ANKRD26: variants seen among roughly 807,000 people sequenced by gnomAD.
The protein encoded by ANKRD26 is ankyrin repeat domain-containing protein 26.
Under a neutral mutation model 208.7 loss-of-function variants are expected in ANKRD26, and 141 were observed. The observed-to-expected ratio is 0.68, with a 90% CI of 0.59 to 0.78. The LOEUF (loss-of-function observed/expected upper bound fraction) is 0.78, where lower values mean the gene tolerates loss of function less well. ANKRD26 is among the 30% of genes least tolerant of loss of function. The pLI is 0.00. For missense variants in ANKRD26, 1,889 were observed against 1,938.7 expected (o/e 0.97, Z 0.48); for synonymous variants, 636 against 660.4 (o/e 0.96, Z 0.57).
the ANKRD26 span, among the ~76,000 whole-genome samples, chr10:26,951,135 A>G: frequency 6.6e-6 from 1 of 151,032 alleles, no homozygotes; most frequent in African/African-American, 2.4e-5. Context: ...CAAGACAGTG[A>G]CATGCTTTGC....
At chr10:27,024,589 T>A in intron 27 of ANKRD26, 30 bp from the exon 28 acceptor site, 1 of 1,265,108 alleles carries the variant, frequency 7.9e-7, no homozygotes, top group Non-Finnish European at 1.1e-6. Context: ...CAATTACTTT[T>A]AAAACTCTGG....
At chr10:27,030,352 A>C in intron 25 of ANKRD26, 2 of 974,962 alleles carry the variant, frequency 2.1e-6, no homozygotes, top group Middle Eastern at 1.0e-3. Context: ...AATGACCACA[A>C]TGCAAACAGC....
chr10:26,980,119 C>T (rs1259643298), intron 5 of ANKRD26, among the ~76,000 whole-genome samples: 3 of 152,134 alleles, frequency 2.0e-5, no homozygotes, highest in African/African-American at 7.2e-5. Flanking sequence ...AGCTGACATC[C>T]CATAATATTG....
At chr10:26,971,689 A>AG (rs1479353171), downstream of ANKRD26, among the ~76,000 whole-genome samples, 1 of 151,672 alleles carries the variant, frequency 6.6e-6, no homozygotes, top group African/African-American at 2.4e-5. Flanking sequence ...AAAAAAAAAA[A>AG]AAAAGAAAAC....
chr10:26,981,595 C>T (rs2052309406), intron 4 of ANKRD26, among the ~76,000 whole-genome samples: 1 of 152,160 alleles, frequency 6.6e-6, no homozygotes, highest in Non-Finnish European at 1.5e-5. Flanking sequence ...CTAATTAGAA[C>T]TCAACATCCA....
At chr10:27,060,472 T>G (rs756700724) in intron 14 of ANKRD26, 40 bp downstream of exon 14, 6 of 1,556,900 alleles carry the variant, frequency 3.9e-6, no homozygotes, top group Non-Finnish European at 5.3e-6. Context: ...TTATACAATA[T>G]GCACTTAATA....
Position 27,035,255 on chromosome 10 carries a change from T to C in ANKRD26, c.3195A>G (p.Gln1065=), listed in dbSNP as rs371338835. ...TGAGTTTACTTTCAGTTTTAAATAG[T>C]TGTTGAGAAAGAATCTCATTGTTAT... The part of the protein sequence containing the change: ...LKDNNEILSQ[Q]LFKTESKLNS... The change falls in exon 24 of 34, where the codon CAA becomes CAG. Residue 1065 remains glutamine, a synonymous_variant. Coordinates refer to ENST00000376087, the MANE Select transcript of ANKRD26 (RefSeq NM_014915.3). 1.1e-5 allele frequency: 17 copies of C among 1,614,010 alleles called. No individual in the cohort carries two copies. Among genetic ancestry groups the C allele is most frequent in the Admixed American group, 1.7e-5 (1 of 60,010 alleles).
intron 29 of ANKRD26, among the ~76,000 whole-genome samples, chr10:27,019,198 T>C (rs1254548222): frequency 1.3e-5 from 2 of 152,054 alleles, no homozygotes; most frequent in African/African-American, 2.4e-5. Flanking sequence ...GAAAATGGCA[T>C]GAACCCAGGA....
At chr10:26,949,613 C>T in the ANKRD26 span, among the ~76,000 whole-genome samples, 3 of 152,132 alleles carry the variant, frequency 2.0e-5, no homozygotes, top group African/African-American at 7.2e-5. Context: ...TCAAGCAATT[C>T]TCTGCCTCAG....
chr10:26,954,632 A>G, the ANKRD26 span, among the ~76,000 whole-genome samples: 1 of 152,184 alleles, frequency 6.6e-6, no homozygotes, highest in Non-Finnish European at 1.5e-5. Flanking sequence ...CTGTATCCAG[A>G]AACAGGTTTT....
At chr10:27,006,623 T>C (rs776696266) in intron 33 of ANKRD26, among the ~76,000 whole-genome samples, 2 of 152,112 alleles carry the variant, frequency 1.3e-5, no homozygotes, top group Non-Finnish European at 2.9e-5. Flanking sequence ...CTGGCTACAG[T>C]TCTATGGGGA....
At position 27,035,027 on chromosome 10, in the gene ANKRD26, A is replaced by G. The variant is rs751182335; in HGVS notation, c.3423T>C (p.Ser1141=). 26 of 1,613,704 alleles carry G rather than the reference A, an allele frequency of 1.6e-5. No homozygotes were observed. In the Admixed American group the frequency reaches 3.8e-4, roughly 24 times the overall value. Residue 1141 remains serine, a synonymous_variant, in exon 24 of 34, where the codon AGT becomes AGC. Transcript: ENST00000376087. ...GTTGTTGTCGAAGCAACATATTCTC[A>G]CTTTGTAGTTGAGACAATCTCTCCT... The part of the protein sequence containing the change: ...SVEERLSQLQ[S]ENMLLRQQLD...
At chr10:27,042,086 A>G (rs1327099702) in intron 20 of ANKRD26, among the ~76,000 whole-genome samples, 2 of 152,110 alleles carry the variant, frequency 1.3e-5, no homozygotes, top group Admixed American at 6.5e-5. Context: ...AAAACCTGAG[A>G]TAAAACTCAG....
downstream of ANKRD26, among the ~76,000 whole-genome samples, chr10:27,001,726 T>A (rs2052729604): frequency 6.6e-6 from 1 of 152,140 alleles, no homozygotes; most frequent in African/African-American, 2.4e-5. Context: ...ATGTTGAACA[T>A]CCCCAGCCCT....
intron 15 of ANKRD26, among the ~76,000 whole-genome samples, chr10:27,058,907 GTTTTTTGT>G (rs1015218721): frequency 2.6e-5 from 3 of 114,778 alleles, no homozygotes; most frequent in African/African-American, 8.4e-5. Flanking sequence ...TTGTTTGTTT[GTTTTTTGT>G]TTTTTTGTTT....
At chr10:27,075,389 G>A (rs2055660002) in intron 9 of ANKRD26, among the ~76,000 whole-genome samples, 2 of 152,078 alleles carry the variant, frequency 1.3e-5, no homozygotes, top group Non-Finnish European at 2.9e-5. Context: ...CAAGATAAAG[G>A]GGTGGAAAAA....
intron 16 of ANKRD26, among the ~76,000 whole-genome samples, chr10:27,049,601 C>T (rs1048003309): frequency 1.3e-5 from 2 of 152,128 alleles, no homozygotes; most frequent in African/African-American, 2.4e-5. Context: ...GAATGAGATG[C>T]TTCCCGAATT....
intron 32 of ANKRD26, among the ~76,000 whole-genome samples, chr10:27,012,362 T>A (rs2134890732): frequency 6.6e-6 from 1 of 151,270 alleles, no homozygotes; most frequent in East Asian, 1.9e-4. Flanking sequence ...AGTTAACAAA[T>A]GGTACCTCTT....
chr10:27,082,048 T>A (rs2055933891), intron 6 of ANKRD26, among the ~76,000 whole-genome samples: 1 of 69,392 alleles, frequency 1.4e-5, no homozygotes. Flanking sequence ...ATGCAGTTAT[T>A]TAAAAAAAAA....
Sources: allele counts gnomAD v4.1 joint callset (sites outside exome capture counted in the v4.1 genomes callset), GRCh38; gene constraint gnomAD v4.1.1; transcripts MANE v1.5; gene names NCBI Gene and HGNC (gene_info 2026-07-23, HGNC 2026-07-21).